Variants in CAPSL observed in about 807,000 individuals in gnomAD.
The protein encoded by CAPSL is calcyphosine like.
In CAPSL, 17 loss-of-function variants were observed where a neutral mutation model predicts 21.3. The observed-to-expected ratio is 0.80, with a 90% CI of 0.55 to 1.20. The LOEUF (loss-of-function observed/expected upper bound fraction) is 1.20. Among genes scored for constraint, CAPSL ranks in the 50% most tolerant of loss-of-function variants. The pLI is 0.00. For synonymous variants in CAPSL, 102 were observed against 89.3 expected, an observed-to-expected ratio of 1.14 and a Z score of -0.80; for missense variants, 289 against 259.3, an observed-to-expected ratio of 1.11 and a Z score of -0.79.
At chr5:35,926,189 A>G (rs1046415524) in intron 1 of CAPSL, among the ~76,000 whole-genome samples, 6 of 152,206 alleles carry the variant, frequency 3.9e-5, no homozygotes, top group Middle Eastern at 3.4e-3. Context: ...GTTTCCAGCT[A>G]TGCTGCCTGG....
At chr5:35,916,901 A>G (rs1738404951) in intron 2 of CAPSL, among the ~76,000 whole-genome samples, 1 of 152,210 alleles carries the variant, frequency 6.6e-6, no homozygotes, top group African/African-American at 2.4e-5. Context: ...TGCACAGCCA[A>G]AGTAACTACC....
intron 1 of CAPSL, among the ~76,000 whole-genome samples, chr5:35,929,949 A>T (rs2149932248): frequency 6.6e-6 from 1 of 152,326 alleles, no homozygotes; most frequent in Admixed American, 6.5e-5. Context: ...TGTTTTAATT[A>T]AAATGATGTG....
intron 2 of CAPSL, among the ~76,000 whole-genome samples, chr5:35,918,105 G>A (rs72742471): frequency 0.41 from 62,353 of 151,986 alleles, 13,226 homozygotes; most frequent in African/African-American, 0.46. Flanking sequence ...TCCCATTACC[G>A]GATATATACC....
At chr5:35,935,021 C>T (rs1423432263) in intron 1 of CAPSL, among the ~76,000 whole-genome samples, 1 of 152,186 alleles carries the variant, frequency 6.6e-6, no homozygotes, top group Admixed American at 6.5e-5. Context: ...AAGATGCACC[C>T]TGTCACCTCC....
At position 35,904,453 on chromosome 5, in the gene CAPSL, T is replaced by C. The variant is rs1760624409; in HGVS notation, c.*92A>G. On this transcript the variant is annotated 3_prime_UTR_variant, in exon 5 of 5. Transcript: ENST00000651391. ...ACACAGAAAAAAACATTAGGATGAGTGTGAAATCAAATACGATTCTGGTTT... is the reference window on the plus strand; with the variant it reads ...ACACAGAAAAAAACATTAGGATGAGCGTGAAATCAAATACGATTCTGGTTT... 2 of 922,338 alleles carry C rather than the reference T, an allele frequency of 2.2e-6. No homozygotes were observed. The highest frequency in any genetic ancestry group is 3.4e-6 in the Non-Finnish European group (2 of 587,506). The allele number at this position is 922,338 out of a possible 1,614,324, so 57.1% of individuals were successfully genotyped here. A position where few individuals can be genotyped will look rare whatever the true frequency, so the allele number is the denominator to read the frequency against.
chr5:35,928,424 C>T (rs1183626144), intron 1 of CAPSL, among the ~76,000 whole-genome samples: 1 of 152,152 alleles, frequency 6.6e-6, no homozygotes, highest in Non-Finnish European at 1.5e-5. Context: ...AGTTTGAATA[C>T]GTGGCTTCTG....
At chr5:35,912,600 G>T (rs560509014) in intron 2 of CAPSL, among the ~76,000 whole-genome samples, 1 of 152,278 alleles carries the variant, frequency 6.6e-6, no homozygotes, top group Non-Finnish European at 1.5e-5. Flanking sequence ...AGGCAAACAG[G>T]GTCTGGAGTG....
intron 1 of CAPSL, among the ~76,000 whole-genome samples, chr5:35,936,945 C>T (rs1034016897): frequency 2.0e-5 from 3 of 152,182 alleles, no homozygotes; most frequent in African/African-American, 7.2e-5. Flanking sequence ...ATCTTCCTTA[C>T]TCTTTGCTTC....
At chr5:35,934,306 A>G in intron 1 of CAPSL, among the ~76,000 whole-genome samples, 1 of 152,174 alleles carries the variant, frequency 6.6e-6, no homozygotes, top group East Asian at 1.9e-4. Flanking sequence ...GACCAAGCAT[A>G]CCTTCCATCC....
intron 1 of CAPSL, among the ~76,000 whole-genome samples, chr5:35,936,634 T>C (rs1738954169): frequency 1.3e-5 from 2 of 152,174 alleles, no homozygotes; most frequent in South Asian, 4.1e-4. Context: ...ACACCCTTTC[T>C]CTCAATGGCT....
At chr5:35,908,569 G>A (rs1738098644) in intron 4 of CAPSL, among the ~76,000 whole-genome samples, 1 of 152,134 alleles carries the variant, frequency 6.6e-6, no homozygotes, top group Non-Finnish European at 1.5e-5. Context: ...ACACACTCTA[G>A]GATCCACAAA....
chr5:35,918,114 C>G (rs1324593715), intron 2 of CAPSL, among the ~76,000 whole-genome samples: 1 of 152,068 alleles, frequency 6.6e-6, no homozygotes, highest in African/African-American at 2.4e-5. Flanking sequence ...CGGATATATA[C>G]CTAAAGGATT....
At chr5:35,924,962 A>G (rs1213736729) in intron 1 of CAPSL, among the ~76,000 whole-genome samples, 2 of 152,242 alleles carry the variant, frequency 1.3e-5, no homozygotes, top group Non-Finnish European at 2.9e-5. Context: ...ATAGCAGTGC[A>G]CAAAGTGTCT....
chr5:35,913,608 AGCTTCATAAGT>A (rs1296239544), intron 2 of CAPSL, among the ~76,000 whole-genome samples: 2 of 152,204 alleles, frequency 1.3e-5, no homozygotes, highest in South Asian at 2.1e-4. Context: ...AGCCAAACTA[AGCTTCATAAGT>A]GAAGGAGAAA....
chr5:35,919,548 G>T (rs1019306007), intron 2 of CAPSL, among the ~76,000 whole-genome samples: 3 of 152,160 alleles, frequency 2.0e-5, no homozygotes. Context: ...TGTGCAGGGG[G>T]GATGATGGCA....
intron 2 of CAPSL, among the ~76,000 whole-genome samples, chr5:35,916,318 C>T (rs1738383869): frequency 6.6e-6 from 1 of 152,182 alleles, no homozygotes; most frequent in South Asian, 2.1e-4. Flanking sequence ...AATGCCATCC[C>T]CATCAAGCTA....
At position 35,914,345 on chromosome 5, in the gene CAPSL, T is replaced by G. The variant is rs541786851; in HGVS notation, c.138-3802A>C. ...GATATCCAGGAATTGAACTAAGTTC[T>G]GCACCAAGCGGACCTAATAGACATC... On this transcript the variant is annotated intron_variant, in intron 2 of 4. Transcript: ENST00000651391. 6.6e-5 allele frequency among the ~76,000 whole-genome samples: 10 copies of G among 152,324 alleles called. No individual in the cohort carries two copies. The East Asian group carries it at 1.9e-3, about 29-fold the overall frequency.
chr5:35,935,811 G>A (rs2098706), intron 1 of CAPSL, among the ~76,000 whole-genome samples: 54 of 151,800 alleles, frequency 3.6e-4, no homozygotes, highest in African/African-American at 1.0e-3. Flanking sequence ...CACACTCTGC[G>A]CATCTTTCTG....
chr5:35,921,095 C>A lies in CAPSL; in HGVS notation c.26G>T (p.Arg9Leu), dbSNP rs749872923. The change falls in exon 2 of 5, where the codon CGA becomes CTA. Residue 9 changes from arginine to leucine, a missense_variant. Physicochemically the swap from Arg to Leu is moderately radical, Grantham distance 102 (BLOSUM62 -2). Coordinates refer to ENST00000651391, the MANE Select transcript of CAPSL (RefSeq NM_001042625.2). Reference protein sequence around the residue: MAGTARHDREMAIQAKKKL... With the variant: MAGTARHDLEMAIQAKKKL... ...TTTCTTGGCCTGGATCGCCATCTCT[C>A]GGTCATGGCGCGCTGTCCCTGCCAT... 7 of 1,614,004 alleles carry A rather than the reference C, an allele frequency of 4.3e-6. No individual in the cohort carries two copies. Among genetic ancestry groups the A allele is most frequent in the Non-Finnish European group, 5.9e-6 (7 of 1,180,004 alleles).
Sources: gnomAD v4.1 joint callset for allele counts (sites outside exome capture counted in the v4.1 genomes callset) on GRCh38, gnomAD v4.1.1 for gene constraint, MANE v1.5 for transcripts, NCBI Gene and HGNC (gene_info 2026-07-23, HGNC 2026-07-21) for gene names.